MPRIP: variants seen among roughly 807,000 people sequenced by gnomAD.
MPRIP encodes the protein myosin phosphatase Rho-interacting protein.
MPRIP carries 59 observed loss-of-function variants against 234.9 expected under a neutral mutation model. The ratio of observed to expected loss-of-function variants is 0.25; its 90% CI spans 0.20 to 0.31. MPRIP has a LOEUF of 0.31. Among genes scored for constraint, MPRIP ranks in the 10% least tolerant of loss-of-function variants. The pLI is 1.00. For missense variants in MPRIP, 2,436 were observed against 3,071.0 expected (o/e 0.79, Z 4.89); for synonymous variants, 1,144 against 1,263.9 (o/e 0.91, Z 2.01).
intron 12 of MPRIP, among the ~76,000 whole-genome samples, chr17:17,152,335 C>T (rs539350710): frequency 6.6e-6 from 1 of 152,260 alleles, no homozygotes; most frequent in East Asian, 1.9e-4. Flanking sequence ...GCAGCTTTCT[C>T]CAGGCAGGGC....
At chr17:17,047,135 C>T (rs529321814) in intron 1 of MPRIP, among the ~76,000 whole-genome samples, 4 of 152,258 alleles carry the variant, frequency 2.6e-5, no homozygotes, top group African/African-American at 9.6e-5. Flanking sequence ...GAGCCAAGAT[C>T]GTGCCACAGC....
chr17:17,068,309 C>T (rs886793077), intron 1 of MPRIP, among the ~76,000 whole-genome samples: 4 of 151,934 alleles, frequency 2.6e-5, no homozygotes, highest in Non-Finnish European at 5.9e-5. Context: ...CTCCACTACG[C>T]CCGGCTAATT....
At chr17:17,139,359 A>G (rs1597872510) in intron 7 of MPRIP, among the ~76,000 whole-genome samples, 1 of 152,252 alleles carries the variant, frequency 6.6e-6, no homozygotes, top group Non-Finnish European at 1.5e-5. Context: ...CTGGAGGTCC[A>G]TGATGACCTG....
rs1168289591 is a variant in MPRIP, at chr17:17,176,274, G to A, written c.6871-152G>A. The A allele has an allele frequency of 3.2e-5, 21 of 655,950 alleles. 1 individual carries two copies. In the East Asian group the frequency reaches 4.1e-4, roughly 13 times the overall value. 40.6% of individuals were successfully genotyped at this position (655,950 alleles called of 1,614,324 possible). ...TGTATGTGAGGCTGAAGCTGTGAGC[G>A]GTGTTTAAACGATGCTTGCCCGCAT... On this transcript the variant is annotated intron_variant, in intron 20 of 23. Coordinates refer to ENST00000651222, the MANE Select transcript of MPRIP (RefSeq NM_001364716.4).
At chr17:17,117,828 A>G (rs146982492) in intron 3 of MPRIP, among the ~76,000 whole-genome samples, 3 of 152,340 alleles carry the variant, frequency 2.0e-5, no homozygotes, top group African/African-American at 7.2e-5. Context: ...AACGAGGCCT[A>G]TATTTACTAC....
intron 4 of MPRIP, among the ~76,000 whole-genome samples, chr17:17,128,386 A>G (rs2090533638): frequency 1.3e-5 from 2 of 152,078 alleles, no homozygotes; most frequent in South Asian, 4.1e-4. Context: ...GTATTAGGAG[A>G]GGGTGATGTT....
At chr17:17,111,683 G>A (rs1430447793) in intron 3 of MPRIP, among the ~76,000 whole-genome samples, 4 of 152,174 alleles carry the variant, frequency 2.6e-5, no homozygotes, top group East Asian at 1.9e-4. Flanking sequence ...CTGTTAAACC[G>A]AGGCAGCAGG....
intron 16 of MPRIP, chr17:17,168,815 A>G (rs1328312392): frequency 4.4e-6 from 2 of 456,094 alleles, no homozygotes; most frequent in Admixed American, 2.4e-5. Flanking sequence ...GGTGCCTTCC[A>G]CGCTCATGTG....
In MPRIP at chr17:17,065,324, A is replaced by G. The variant is rs371806325; in HGVS notation, c.124-10386A>G. Among the ~76,000 whole-genome samples, 378 of 148,738 alleles carry G rather than the reference A, an allele frequency of 2.5e-3. 4 individuals carry two copies. The Middle Eastern group carries it at 0.032, about 12-fold the overall frequency. Reference sequence around the variant, plus strand: ...TGAAGTCCAGTTTATCCATTTAAATATGTTTCATTTTGTCTTGTTTTTTGT... The same window carrying G: ...TGAAGTCCAGTTTATCCATTTAAATGTGTTTCATTTTGTCTTGTTTTTTGT... On this transcript the variant is annotated intron_variant, in intron 1 of 23. Coordinates refer to ENST00000651222, the MANE Select transcript of MPRIP (RefSeq NM_001364716.4).
intron 14 of MPRIP, among the ~76,000 whole-genome samples, chr17:17,160,240 C>T (rs1001097156): frequency 2.0e-5 from 3 of 152,222 alleles, no homozygotes; most frequent in Admixed American, 2.0e-4. Flanking sequence ...GTGGTGCATT[C>T]CTGTAGTCCC....
chr17:17,047,848 A>G (rs953139952), intron 1 of MPRIP, among the ~76,000 whole-genome samples: 8 of 152,154 alleles, frequency 5.3e-5, no homozygotes, highest in Non-Finnish European at 8.8e-5. Flanking sequence ...GGTTGCTGAA[A>G]TCATGGGAGT....
At chr17:17,144,745 A>G (rs571399748) in intron 9 of MPRIP, among the ~76,000 whole-genome samples, 4 of 152,358 alleles carry the variant, frequency 2.6e-5, no homozygotes, top group African/African-American at 4.8e-5. Context: ...AGTCCCAGCT[A>G]TTTGAGAGGC....
At chr17:17,155,825 T>C (rs2045716798) in intron 13 of MPRIP, among the ~76,000 whole-genome samples, 1 of 152,226 alleles carries the variant, frequency 6.6e-6, no homozygotes, top group Admixed American at 6.5e-5. Context: ...CACCCAGAGC[T>C]GCAGCAAGCT....
chr17:17,169,701 T>C (rs1413655262), intron 16 of MPRIP, among the ~76,000 whole-genome samples: 1 of 152,224 alleles, frequency 6.6e-6, no homozygotes, highest in African/African-American at 2.4e-5. Context: ...CTTACAGAAC[T>C]TGTAAATAGA....
intron 3 of MPRIP, among the ~76,000 whole-genome samples, chr17:17,098,217 G>A (rs1203974473): frequency 1.3e-5 from 2 of 152,180 alleles, no homozygotes; most frequent in African/African-American, 4.8e-5. Context: ...AGGGAGCTCA[G>A]CGCTCAGCCT....
chr17:17,134,688 C>T (rs1390233804), intron 5 of MPRIP, among the ~76,000 whole-genome samples: 1 of 152,196 alleles, frequency 6.6e-6, no homozygotes, highest in Admixed American at 6.5e-5. Context: ...AGGCAGTGCC[C>T]CACCACCCCA....
rs372536523 is a variant in MPRIP at position 17,172,694 on chromosome 17, G to T, written c.6473-4G>T. ...CGGTGCTGAGGCCGTGTCCTTGCCT[G>T]CAGCCATCGAAGCCATGAAGAACGC... On this transcript the variant is annotated splice_polypyrimidine_tract_variant and splice_region_variant and intron_variant, in intron 17 of 23. Transcript: ENST00000651222. 1.9e-6 allele frequency: 3 copies of T among 1,609,828 alleles called. No homozygotes were observed. Among genetic ancestry groups the T allele is most frequent in the Non-Finnish European group, 2.5e-6 (3 of 1,179,134 alleles).
intron 1 of MPRIP, among the ~76,000 whole-genome samples, chr17:17,055,551 A>G (rs989138826): frequency 1.4e-4 from 22 of 152,246 alleles, no homozygotes; most frequent in Middle Eastern, 6.8e-3. Flanking sequence ...TCACCCTTGC[A>G]GGGAAAGGCA....
rs3826304 is a variant in MPRIP at position 17,189,817 on chromosome 17, C to G, written c.*4923C>G. 1 of 152,226 alleles carries G rather than the reference C, an allele frequency of 6.6e-6. No individual in the cohort carries two copies. Among genetic ancestry groups the G allele is most frequent in the Non-Finnish European group, 1.5e-5 (1 of 68,074 alleles). 9.4% of individuals were successfully genotyped at this position (152,226 alleles called of 1,614,324 possible). ...GTGACACAGGCCAGAGACAACGTTT[C>G]GTTTCCCCTTCCCTGCAAGCTGGGA... is the stretch of plus-strand genomic sequence containing the variant. On this transcript the variant is annotated 3_prime_UTR_variant, in exon 24 of 24. Coordinates refer to ENST00000651222, the MANE Select transcript of MPRIP (RefSeq NM_001364716.4).
Sources: gnomAD v4.1 joint callset for allele counts (sites outside exome capture counted in the v4.1 genomes callset) on GRCh38, gnomAD v4.1.1 for gene constraint, MANE v1.5 for transcripts, NCBI Gene and HGNC (gene_info 2026-07-23, HGNC 2026-07-21) for gene names.